TRIM37: variants seen among roughly 807,000 people sequenced by gnomAD.
The protein encoded by TRIM37 is tripartite motif containing 37.
In TRIM37, 80 loss-of-function variants were observed where a neutral mutation model predicts 129.8. That is an observed-to-expected ratio of 0.62 (90% CI 0.51 to 0.74). The LOEUF is 0.74. Among genes scored for constraint, TRIM37 ranks in the 30% least tolerant of loss-of-function variants. TRIM37 has a pLI of 0.00. For missense variants in TRIM37, 1,054 were observed against 1,176.5 expected (o/e 0.90, Z 1.52); for synonymous variants, 389 against 387.1 (o/e 1.00, Z -0.06).
intron 13 of TRIM37, among the ~76,000 whole-genome samples, chr17:59,054,580 G>A (rs1172277750): frequency 1.3e-5 from 2 of 152,110 alleles, no homozygotes; most frequent in Admixed American, 6.5e-5. Context: ...GGGATTACAG[G>A]CGTGAGCCAC....
downstream of TRIM37, among the ~76,000 whole-genome samples, chr17:58,978,867 T>G (rs749512991): frequency 3.9e-5 from 6 of 152,156 alleles, no homozygotes; most frequent in Non-Finnish European, 8.8e-5. Context: ...CTGAAAGCCC[T>G]AAATGATCAA....
At chr17:59,095,977 T>G (rs944430006) in intron 2 of TRIM37, among the ~76,000 whole-genome samples, 1 of 152,110 alleles carries the variant, frequency 6.6e-6, no homozygotes, top group Non-Finnish European at 1.5e-5. Flanking sequence ...TCTTTGGGCC[T>G]CCCAACGTGC....
chr17:59,053,741 G>A (rs1186382438), intron 13 of TRIM37, among the ~76,000 whole-genome samples: 3 of 152,022 alleles, frequency 2.0e-5, no homozygotes, highest in Non-Finnish European at 4.4e-5. Flanking sequence ...ATTTCTCTTG[G>A]TGAATAGTTA....
intron 2 of TRIM37, among the ~76,000 whole-genome samples, chr17:59,093,837 G>C (rs1462729391): frequency 1.3e-5 from 2 of 152,128 alleles, no homozygotes; most frequent in African/African-American, 4.8e-5. Flanking sequence ...CCAGGCTATA[G>C]TGAGTTTTAC....
At chr17:59,097,765 G>A (rs1416740394) in intron 2 of TRIM37, among the ~76,000 whole-genome samples, 2 of 152,008 alleles carry the variant, frequency 1.3e-5, no homozygotes, top group African/African-American at 2.4e-5. Flanking sequence ...AGACTTATAC[G>A]TGCAAAACTA....
chr17:58,981,487 A>C, downstream of TRIM37: 1 of 154,106 alleles, frequency 6.5e-6, no homozygotes, highest in Non-Finnish European at 1.4e-5. Context: ...GTCCCTCAAA[A>C]TCCTGGGCAC....
chr17:59,053,836 C>A (rs1299290571), intron 13 of TRIM37, among the ~76,000 whole-genome samples: 4 of 152,122 alleles, frequency 2.6e-5, no homozygotes, highest in African/African-American at 9.7e-5. Flanking sequence ...CCGTGGCATG[C>A]ACCTGTAATC....
chr17:59,091,791 T>A (rs951724124), intron 2 of TRIM37, among the ~76,000 whole-genome samples: 2 of 150,844 alleles, frequency 1.3e-5, no homozygotes, highest in South Asian at 2.1e-4. Context: ...GGGACAAAAC[T>A]CAACACAAAA....
At chr17:58,983,017 A>G (rs535327322) in intron 24 of TRIM37, 6 of 1,093,416 alleles carry the variant, frequency 5.5e-6, no homozygotes, top group African/African-American at 3.2e-5. Flanking sequence ...TAAAATTTCT[A>G]TTGTTGTCTA....
Position 59,017,303 on chromosome 17 carries a change from CAG to C in TRIM37, c.2377_2378del (p.Leu793ValfsTer2). ...NSRSKGDCQT[L>X]SEGSPGSSQS... ...TGAATCCCTCAAATTTACCTTCAGA[CAG>C]AGTCTGACAGTCTCCCTTTGAACGA... On this transcript the variant is annotated frameshift_variant, in exon 20 of 24. Transcript: ENST00000262294. LOFTEE classifies it high-confidence loss of function. The C allele has an allele frequency of 3.1e-6, 5 of 1,614,162 alleles. No individual in the cohort carries two copies. Among genetic ancestry groups the C allele is most frequent in the Non-Finnish European group, 4.2e-6 (5 of 1,179,996 alleles).
chr17:59,064,396 C>T lies in TRIM37; in HGVS notation c.819G>A (p.Val273=). The part of the protein sequence containing the change: ...PVPPDFTSEL[V]PSYDSATFVL... Reference sequence around the variant, plus strand: ...CAAAAGTAGCTGAATCGTAAGATGGCACTAATTCACTAAAAAAAAAAAGGC... The same window carrying T: ...CAAAAGTAGCTGAATCGTAAGATGGTACTAATTCACTAAAAAAAAAAAGGC... The change falls in exon 10 of 24, where the codon GTG becomes GTA. Residue 273 remains valine (V), a synonymous_variant. Coordinates refer to ENST00000262294, the MANE Select transcript of TRIM37 (RefSeq NM_015294.6). The T allele has an allele frequency of 6.3e-7, 1 of 1,581,012 alleles. No individual in the cohort carries two copies. The highest frequency in any genetic ancestry group is 1.8e-5 in the Admixed American group (1 of 55,792).
chr17:59,080,748 G>A (rs778027783), intron 6 of TRIM37, among the ~76,000 whole-genome samples: 2 of 151,970 alleles, frequency 1.3e-5, no homozygotes, highest in Admixed American at 6.6e-5. Flanking sequence ...CTGAGATCGC[G>A]CCATTACACT....
At chr17:58,970,061 T>A in the TRIM37 span, among the ~76,000 whole-genome samples, 1 of 152,226 alleles carries the variant, frequency 6.6e-6, no homozygotes, top group African/African-American at 2.4e-5. Flanking sequence ...AAGCAGACTC[T>A]TGCTGACAAG....
At chr17:59,000,543 G>A (rs2033580198) in intron 23 of TRIM37, among the ~76,000 whole-genome samples, 2 of 152,162 alleles carry the variant, frequency 1.3e-5, no homozygotes, top group South Asian at 4.1e-4. Flanking sequence ...AGAAGTTGCA[G>A]TGAGCTGAGA....
intron 11 of TRIM37, among the ~76,000 whole-genome samples, chr17:59,061,842 G>C (rs2146509625): frequency 6.6e-6 from 1 of 152,028 alleles, no homozygotes; most frequent in South Asian, 2.1e-4. Flanking sequence ...ACTACAGAGA[G>C]GTACAAGTAC....
At chr17:59,007,096 G>A (rs1196540412) in intron 22 of TRIM37, among the ~76,000 whole-genome samples, 3 of 150,894 alleles carry the variant, frequency 2.0e-5, no homozygotes, top group Non-Finnish European at 4.4e-5. Flanking sequence ...GCCCTGAGAA[G>A]AGCTAAGCCT....
At chr17:59,060,331 C>CT (rs752461399) in intron 12 of TRIM37, among the ~76,000 whole-genome samples, 67 of 141,144 alleles carry the variant, frequency 4.7e-4, no homozygotes, top group Non-Finnish European at 6.0e-4. Flanking sequence ...TTCATGAGGT[C>CT]TTTTTTTTTT....
At chr17:59,042,029 ATTT>A in intron 16 of TRIM37, 131 bp from the exon 17 acceptor site, 1 of 687,474 alleles carries the variant, frequency 1.5e-6, no homozygotes, top group Non-Finnish European at 2.5e-6. Flanking sequence ...AAGGAGAAAG[ATTT>A]TTGTCATTTT....
At chr17:58,971,994 G>C in the TRIM37 span, 1 of 802,950 alleles carries the variant, frequency 1.2e-6, no homozygotes, top group Non-Finnish European at 1.9e-6. Context: ...TTGAGACAAT[G>C]AATTATTATA....
Sources: gnomAD v4.1 joint callset for allele counts (sites outside exome capture counted in the v4.1 genomes callset) on GRCh38, gnomAD v4.1.1 for gene constraint, MANE v1.5 for transcripts, NCBI Gene and HGNC (gene_info 2026-07-23, HGNC 2026-07-21) for gene names.